The following DMD variants were observed in gnomAD, a reference collection of about 807,000 sequenced individuals.
The protein encoded by DMD is dystrophin, also known as mutant dystrophin.
In DMD, 63 loss-of-function variants were observed where a neutral mutation model predicts 330.1. The observed-to-expected ratio is 0.19, with a 90% CI of 0.16 to 0.24. DMD has a LOEUF of 0.24. Ranked by LOEUF, DMD falls within the 10% of genes least tolerant of loss-of-function variation. The pLI is 1.00. For synonymous variants in DMD, 1,223 were observed against 959.8 expected (o/e 1.27, Z -5.07); for missense variants, 3,344 against 2,684.1 (o/e 1.25, Z -5.43).
chrX:33,098,603 T>C (rs1279596499), intron 1 of DMD, among the ~76,000 whole-genome samples: 1 of 111,674 alleles, frequency 9.0e-6, no homozygotes, highest in Non-Finnish European at 1.9e-5. Context: ...CCCTGTGTTA[T>C]ATGTAAACAA....
chrX:32,685,386 T>C (rs2062781498), intron 9 of DMD, among the ~76,000 whole-genome samples: 1 of 111,869 alleles, frequency 8.9e-6, no homozygotes, highest in African/African-American at 3.2e-5. Flanking sequence ...TAATTGCCAC[T>C]GGATTTAGCA....
chrX:31,679,696 T>A (rs2082271572), intron 52 of DMD, 110 bp from the exon 53 acceptor site: 1 of 672,819 alleles, frequency 1.5e-6, no homozygotes, highest in Non-Finnish European at 2.3e-6. Context: ...ATTTAAAAAA[T>A]TATTCATTGT....
At chrX:31,521,734 T>C (rs1158874876) in intron 55 of DMD, among the ~76,000 whole-genome samples, 2 of 111,691 alleles carry the variant, frequency 1.8e-5, no homozygotes, top group Non-Finnish European at 3.8e-5. Context: ...CGGTTTTAAA[T>C]TTAGCAGAAA....
Position 32,471,962 on chromosome X carries a change from G to A in DMD, c.2949+202C>T, listed in dbSNP as rs778279914. On this transcript the variant is annotated intron_variant, in intron 22 of 78. Transcript: ENST00000357033. Reference sequence around the variant, plus strand: ...GATCATACAATTGTTTTCAAAAACAGCATGTATATATGCCCATACATATAT... The same window carrying A: ...GATCATACAATTGTTTTCAAAAACAACATGTATATATGCCCATACATATAT... Among the ~76,000 whole-genome samples, 7 of 112,099 alleles carry A rather than the reference G, an allele frequency of 6.2e-5. No individual in the cohort carries two copies. The South Asian group carries it at 2.6e-3, about 41-fold the overall frequency.
intron 50 of DMD, among the ~76,000 whole-genome samples, chrX:31,783,687 A>C (rs1387419047): frequency 9.0e-6 from 1 of 111,071 alleles, no homozygotes; most frequent in East Asian, 2.8e-4. Context: ...ATGCATATGT[A>C]TATATAGTCT....
intron 43 of DMD, among the ~76,000 whole-genome samples, chrX:32,219,093 G>A (rs1467861005): frequency 1.8e-5 from 2 of 112,006 alleles, no homozygotes; most frequent in Non-Finnish European, 3.8e-5. Flanking sequence ...ACCGAAGGTA[G>A]CCGAAGAGGT....
intron 7 of DMD, among the ~76,000 whole-genome samples, chrX:32,736,660 G>T (rs1440829515): frequency 4.7e-5 from 5 of 106,818 alleles, no homozygotes; most frequent in African/African-American, 1.0e-4. Flanking sequence ...GTAAACTATC[G>T]CAAGAACAAA....
intron 34 of DMD, among the ~76,000 whole-genome samples, chrX:32,378,472 G>T (rs1032119620): frequency 5.5e-5 from 6 of 109,763 alleles, no homozygotes; most frequent in Non-Finnish European, 1.1e-4. Context: ...TATAGTCAAT[G>T]TACTTGAAAT....
At chrX:32,839,369 CTCTTAT>C (rs1020473069) in intron 4 of DMD, among the ~76,000 whole-genome samples, 2 of 111,787 alleles carry the variant, frequency 1.8e-5, no homozygotes, top group Admixed American at 9.5e-5. Flanking sequence ...CTTCTCAGAC[CTCTTAT>C]TCTATGTATC....
At chrX:31,447,843 C>T (rs1387493271) in intron 59 of DMD, among the ~76,000 whole-genome samples, 1 of 107,576 alleles carries the variant, frequency 9.3e-6, no homozygotes, top group Admixed American at 1.0e-4. Flanking sequence ...CCTGTCTCTA[C>T]TAAAGATACA....
intron 44 of DMD, among the ~76,000 whole-genome samples, chrX:32,135,208 A>T (rs1377677982): frequency 1.7e-4 from 19 of 112,315 alleles, no homozygotes; most frequent in Non-Finnish European, 1.1e-4. Flanking sequence ...TTTTAAATTA[A>T]TAGTCCACTA....
Position 32,541,251 on chromosome X carries a change from C to A in DMD, c.2168+3908G>T, listed in dbSNP as rs758065980. ...TTCCCTGTCGATAATAGATGACTACCATCTCCATCACTACCTCCACCACCA... is the reference window on the plus strand; with the variant it reads ...TTCCCTGTCGATAATAGATGACTACAATCTCCATCACTACCTCCACCACCA... On this transcript the variant is annotated intron_variant, in intron 17 of 78. Coordinates refer to ENST00000357033, the MANE Select transcript of DMD (RefSeq NM_004006.3). Among the ~76,000 whole-genome samples the A allele has an allele frequency of 2.7e-3, 296 of 110,500 alleles. 1 individual carries two copies. Among genetic ancestry groups the A allele is most frequent in the African/African-American group, 9.4e-3 (284 of 30,229 alleles).
At chrX:31,343,646 C>G (rs1403093173) in intron 61 of DMD, among the ~76,000 whole-genome samples, 1 of 108,974 alleles carries the variant, frequency 9.2e-6, no homozygotes, top group Non-Finnish European at 1.9e-5. Context: ...AGAGTGCACA[C>G]ACGTGCGAGA....
chrX:31,154,279 ATGTTT>A (rs375673289), intron 74 of DMD, among the ~76,000 whole-genome samples: 9 of 106,784 alleles, frequency 8.4e-5, no homozygotes, highest in African/African-American at 3.2e-4. Context: ...AGTTATTCTA[ATGTTT>A]TTTTTTTATT....
At chrX:32,666,827 C>CAA (rs59974295) in intron 9 of DMD, among the ~76,000 whole-genome samples, 7 of 83,959 alleles carry the variant, frequency 8.3e-5, no homozygotes, top group African/African-American at 1.3e-4. Flanking sequence ...AATCTGTCTC[C>CAA]AAAAAAAAAA....
rs375409164 is a variant in DMD, at chrX:33,021,425, C to A, written c.32-1225G>T. Among the ~76,000 whole-genome samples the A allele has an allele frequency of 9.0e-5, 10 of 110,957 alleles. No individual in the cohort carries two copies. In the East Asian group the frequency reaches 2.8e-3, roughly 31 times the overall value. ...TTAGTTAATGTTCAGTAAATGAATGCATCTGAGAGATATTTAAAATTGATA... is the reference window on the plus strand; with the variant it reads ...TTAGTTAATGTTCAGTAAATGAATGAATCTGAGAGATATTTAAAATTGATA... On this transcript the variant is annotated intron_variant, in intron 1 of 78. Coordinates refer to ENST00000357033, the MANE Select transcript of DMD (RefSeq NM_004006.3).
chrX:32,385,770 T>C (rs2097953787), intron 33 of DMD, among the ~76,000 whole-genome samples: 1 of 110,346 alleles, frequency 9.1e-6, no homozygotes, highest in East Asian at 2.8e-4. Context: ...TGGCTATCCA[T>C]GCTATCTTAT....
At chrX:32,018,597 G>C (rs2095784467) in intron 44 of DMD, among the ~76,000 whole-genome samples, 4 of 111,631 alleles carry the variant, frequency 3.6e-5, no homozygotes. Flanking sequence ...TTCATTAACT[G>C]TTACTTCTCA....
chrX:31,852,067 A>C (rs2093537289), intron 48 of DMD, among the ~76,000 whole-genome samples: 1 of 110,897 alleles, frequency 9.0e-6, no homozygotes, highest in East Asian at 2.9e-4. Context: ...TAGGAATGAT[A>C]GTCATAGAGT....
Sources: gnomAD v4.1 joint callset for allele counts (sites outside exome capture counted in the v4.1 genomes callset) on GRCh38, gnomAD v4.1.1 for gene constraint, MANE v1.5 for transcripts, NCBI Gene and HGNC (gene_info 2026-07-23, HGNC 2026-07-21) for gene names.